The following TAS2R1 variants were observed in gnomAD, a reference collection of about 807,000 sequenced individuals.
The protein encoded by TAS2R1 is taste receptor type 2 member 1.
For missense variants in TAS2R1, 370 were observed against 353.4 expected, an observed-to-expected ratio of 1.05 and a Z score of -0.38; for synonymous variants, 141 against 134.2, an observed-to-expected ratio of 1.05 and a Z score of -0.35.
At position 9,694,945 on chromosome 5, in the gene TAS2R1, G is replaced by C. The variant is rs899277161; in HGVS notation, c.-242+17227C>G. On this transcript the variant is annotated intron_variant, in intron 1 of 2. Coordinates refer to the TAS2R1 transcript ENST00000506620. The stretch of plus-strand genomic sequence containing the variant: ...AGTGTTTTATTCTTGAGCTCTAGGA[G>C]TAGGTTAAACGATATGTAAAATCCT... Among the ~76,000 whole-genome samples, 11 of 152,188 alleles carry C rather than the reference G, an allele frequency of 7.2e-5. No individual in the cohort carries two copies. In the South Asian group the frequency reaches 2.3e-3, roughly 32 times the overall value.
the TAS2R1 span, among the ~76,000 whole-genome samples, chr5:9,893,275 G>A: frequency 6.6e-6 from 1 of 150,714 alleles, no homozygotes; most frequent in Non-Finnish European, 1.5e-5. Context: ...TGTGATCTTG[G>A]CTCAGTGCAA....
At chr5:9,813,140 G>A in the TAS2R1 span, among the ~76,000 whole-genome samples, 2 of 152,070 alleles carry the variant, frequency 1.3e-5, no homozygotes, top group African/African-American at 2.4e-5. Flanking sequence ...TAAAAAGGGG[G>A]AAATTGGACA....
At chr5:9,649,502 T>C (rs1490356309) in intron 2 of TAS2R1, among the ~76,000 whole-genome samples, 1 of 152,182 alleles carries the variant, frequency 6.6e-6, no homozygotes, top group South Asian at 2.1e-4. Flanking sequence ...TCCTGAGCAA[T>C]GGCTTTCCTA....
chr5:9,844,555 A>AT, the TAS2R1 span, among the ~76,000 whole-genome samples: 1 of 152,174 alleles, frequency 6.6e-6, no homozygotes, highest in South Asian at 2.1e-4. Flanking sequence ...CCTCAAATAC[A>AT]TCTTGTTTGT....
chr5:9,675,425 T>C (rs956330683), intron 1 of TAS2R1, among the ~76,000 whole-genome samples: 4 of 150,142 alleles, frequency 2.7e-5, no homozygotes, highest in South Asian at 2.1e-4. Context: ...TTTTCTTTTT[T>C]TTTTTTTTTT....
Position 9,628,341 on chromosome 5 carries a change from G to A in TAS2R1, c.*792C>T, listed in dbSNP as rs1012607748. Among the ~76,000 whole-genome samples, 3 of 152,102 alleles carry A rather than the reference G, an allele frequency of 2.0e-5. No individual in the cohort carries two copies. In the East Asian group the frequency reaches 5.8e-4, roughly 29 times the overall value. On this transcript the variant is annotated 3_prime_UTR_variant, in exon 1 of 1. Coordinates refer to ENST00000382492, the MANE Select transcript of TAS2R1 (RefSeq NM_019599.3). ...CTGGGTTGAAAGGGTCTCAAAGTCA[G>A]GCACACAAATACAAAATAAAACATC...
At chr5:9,715,684 A>G (rs4701848), upstream of TAS2R1, among the ~76,000 whole-genome samples, 15,551 of 152,040 alleles carry the variant, frequency 0.1, 908 homozygotes, top group Admixed American at 0.2. Context: ...AAGGAAGGAG[A>G]CCCCAAGCCA....
the TAS2R1 span, among the ~76,000 whole-genome samples, chr5:9,778,073 G>C: frequency 9.2e-5 from 14 of 152,012 alleles, no homozygotes; most frequent in African/African-American, 3.4e-4. Flanking sequence ...GTAGAGACAG[G>C]GTTTCACCTT....
At chr5:9,843,612 C>G in the TAS2R1 span, among the ~76,000 whole-genome samples, 1 of 152,204 alleles carries the variant, frequency 6.6e-6, no homozygotes, top group Non-Finnish European at 1.5e-5. Context: ...CAGTTTCCAT[C>G]CATCCAGAGA....
the TAS2R1 span, among the ~76,000 whole-genome samples, chr5:9,751,400 A>G: frequency 3.9e-5 from 6 of 152,184 alleles, no homozygotes; most frequent in East Asian, 9.7e-4. Flanking sequence ...AAAAGACCAT[A>G]TAATATATTC....
At chr5:9,896,936 T>C in the TAS2R1 span, among the ~76,000 whole-genome samples, 1,291 of 152,242 alleles carry the variant, frequency 8.5e-3, 11 homozygotes, top group Admixed American at 0.029. Flanking sequence ...CAAGAAGTCA[T>C]CCAGGAGAAG....
chr5:9,766,295 T>G, the TAS2R1 span, among the ~76,000 whole-genome samples: 9 of 152,360 alleles, frequency 5.9e-5, no homozygotes, highest in South Asian at 1.9e-3. Flanking sequence ...TTACTTTACA[T>G]TCAAAATCAG....
upstream of TAS2R1, among the ~76,000 whole-genome samples, chr5:9,714,538 C>A (rs975757433): frequency 2.0e-5 from 3 of 152,184 alleles, no homozygotes; most frequent in African/African-American, 7.2e-5. Flanking sequence ...CTGCAGTACT[C>A]TGCTCTGTAA....
chr5:9,691,132 A>G (rs1335628298), intron 1 of TAS2R1, among the ~76,000 whole-genome samples: 1 of 152,200 alleles, frequency 6.6e-6, no homozygotes, highest in African/African-American at 2.4e-5. Flanking sequence ...TCAAGATGAA[A>G]TCATCCTGGA....
At chr5:9,896,315 T>C in the TAS2R1 span, among the ~76,000 whole-genome samples, 1 of 152,226 alleles carries the variant, frequency 6.6e-6, no homozygotes, top group African/African-American at 2.4e-5. Context: ...GAATTTGGTT[T>C]GGGACTGGCT....
chr5:9,724,920 A>C, the TAS2R1 span, among the ~76,000 whole-genome samples: 1 of 152,268 alleles, frequency 6.6e-6, no homozygotes, highest in Non-Finnish European at 1.5e-5. Context: ...TTATAGAACC[A>C]TGCAAGTGTG....
chr5:9,634,162 T>G (rs1383028678), upstream of TAS2R1, among the ~76,000 whole-genome samples: 1 of 152,162 alleles, frequency 6.6e-6, no homozygotes, highest in Non-Finnish European at 1.5e-5. Context: ...TACATGTGGC[T>G]TGCCAATTAT....
chr5:9,887,754 A>G, the TAS2R1 span, among the ~76,000 whole-genome samples: 1 of 152,256 alleles, frequency 6.6e-6, no homozygotes, highest in Non-Finnish European at 1.5e-5. Context: ...AGACATGTCA[A>G]TGAACAAGTG....
chr5:9,711,708 C>T (rs543723802), intron 1 of TAS2R1, among the ~76,000 whole-genome samples: 8 of 152,118 alleles, frequency 5.3e-5, no homozygotes, highest in Non-Finnish European at 1.0e-4. Context: ...CACTCTGTGG[C>T]CCAGGCTGGA....
Sources: allele counts gnomAD v4.1 joint callset (sites outside exome capture counted in the v4.1 genomes callset), GRCh38; gene constraint gnomAD v4.1.1; transcripts MANE v1.5; gene names NCBI Gene and HGNC (gene_info 2026-07-23, HGNC 2026-07-21).